Variants in NCKAP5 observed in about 807,000 individuals in gnomAD.
The protein encoded by NCKAP5 is NCK associated protein 5.
NCKAP5 carries 92 observed loss-of-function variants against 167.0 expected under a neutral mutation model. The observed-to-expected ratio is 0.55, with a 90% CI of 0.47 to 0.66. NCKAP5 has a LOEUF of 0.66. NCKAP5 is among the 30% of genes least tolerant of loss of function. The pLI is 0.00. For synonymous variants in NCKAP5, 891 were observed against 877.4 expected, an observed-to-expected ratio of 1.02 and a Z score of -0.27; for missense variants, 2,378 against 2,315.0, an observed-to-expected ratio of 1.03 and a Z score of -0.56.
At chr2:133,103,557 G>C (rs549656843) in intron 6 of NCKAP5, among the ~76,000 whole-genome samples, 1 of 152,252 alleles carries the variant, frequency 6.6e-6, no homozygotes, top group East Asian at 1.9e-4. Context: ...ACTTTGGGAG[G>C]CCACAGTGAG....
At chr2:132,793,308 G>A (rs1684223130) in intron 12 of NCKAP5, among the ~76,000 whole-genome samples, 2 of 152,052 alleles carry the variant, frequency 1.3e-5, no homozygotes, top group Admixed American at 6.6e-5. Context: ...GTGCCCAGCC[G>A]AGATGCCCTG....
intron 19 of NCKAP5, among the ~76,000 whole-genome samples, chr2:132,690,368 T>C (rs1686562993): frequency 6.6e-6 from 1 of 152,222 alleles, no homozygotes; most frequent in Non-Finnish European, 1.5e-5. Flanking sequence ...CCTGCAACCC[T>C]GAGCTGGAAT....
chr2:133,540,828 C>T (rs907456146), intron 2 of NCKAP5, among the ~76,000 whole-genome samples: 1 of 147,696 alleles, frequency 6.8e-6, no homozygotes, highest in African/African-American at 2.5e-5. Context: ...TCCAGCTACT[C>T]GGGAGGCTGA....
chr2:132,900,467 CACAAACACACACAT>C (rs1196271074), intron 8 of NCKAP5, among the ~76,000 whole-genome samples: 1 of 152,160 alleles, frequency 6.6e-6, no homozygotes, highest in African/African-American at 2.4e-5. Context: ...ACCACACACA[CACAAACACACACAT>C]ACACATATGA....
In NCKAP5 at chr2:133,451,773, G is replaced by A. The variant is rs1320411169; in HGVS notation, c.69+65685C>T. ...TGGCATGAAAGTGAATTATGACTTTGTCTCTTTCTGGGCTAAGCCATCTAT... is the reference window on the plus strand; with the variant it reads ...TGGCATGAAAGTGAATTATGACTTTATCTCTTTCTGGGCTAAGCCATCTAT... On this transcript the variant is annotated intron_variant, in intron 3 of 19. Transcript: ENST00000409261. Among the ~76,000 whole-genome samples, 7 of 152,300 alleles carry A rather than the reference G, an allele frequency of 4.6e-5. No homozygotes were observed. In the East Asian group the frequency reaches 1.4e-3, roughly 29 times the overall value.
rs374479741 is a variant in NCKAP5 at position 132,863,378 on chromosome 2, C to G, written c.688-2767G>C. ...TGTGGATATGCAAGTAAAAGGGGAC[C>G]TGAAAGCAATAGTAACCACGATTTT... On this transcript the variant is annotated intron_variant, in intron 10 of 19. Transcript: ENST00000409261. 2.9e-4 allele frequency among the ~76,000 whole-genome samples: 44 copies of G among 149,764 alleles called. 2 individuals carry two copies. The South Asian group carries it at 8.9e-3, about 30-fold the overall frequency.
intron 5 of NCKAP5, among the ~76,000 whole-genome samples, chr2:133,203,157 T>C (rs2085779818): frequency 6.6e-6 from 1 of 152,114 alleles, no homozygotes; most frequent in Non-Finnish European, 1.5e-5. Context: ...CCATGAATGA[T>C]AGACTGGATT....
rs565805174 is a variant in NCKAP5, at chr2:133,163,994, C to A, written c.208-33883G>T. Among the ~76,000 whole-genome samples, 37 of 152,248 alleles carry A rather than the reference C, an allele frequency of 2.4e-4. No homozygotes were observed. The South Asian group carries it at 4.3e-3, about 18-fold the overall frequency. On this transcript the variant is annotated intron_variant, in intron 5 of 19. Transcript: ENST00000409261. ...GCATATCTCAACTGAACAAAGCAAG[C>A]ATCAATTGAACGCCTACTTTAAGCA...
chr2:132,891,529 G>C (rs1692710838), intron 8 of NCKAP5, among the ~76,000 whole-genome samples: 1 of 152,158 alleles, frequency 6.6e-6, no homozygotes, highest in African/African-American at 2.4e-5. Context: ...TTGTTTATGA[G>C]TCTGCCTCTC....
the NCKAP5 span, among the ~76,000 whole-genome samples, chr2:133,619,218 G>T: frequency 0.62 from 85,216 of 138,092 alleles, 27,635 homozygotes; most frequent in Middle Eastern, 0.77. Flanking sequence ...TGACGAGTTA[G>T]TGGGTGCAGC....
intron 7 of NCKAP5, among the ~76,000 whole-genome samples, chr2:132,965,712 C>T (rs2076639335): frequency 6.6e-6 from 1 of 152,106 alleles, no homozygotes; most frequent in Non-Finnish European, 1.5e-5. Context: ...CAGCCTACTA[C>T]ACACCCAGGC....
intron 3 of NCKAP5, among the ~76,000 whole-genome samples, chr2:133,388,680 C>T (rs192590514): frequency 5.9e-5 from 9 of 152,314 alleles, no homozygotes; most frequent in Non-Finnish European, 1.2e-4. Flanking sequence ...GTGGTGGGAT[C>T]CACCCAGTCC....
intron 6 of NCKAP5, among the ~76,000 whole-genome samples, chr2:133,107,575 T>A (rs1333453958): frequency 6.6e-6 from 1 of 152,136 alleles, no homozygotes; most frequent in Non-Finnish European, 1.5e-5. Flanking sequence ...GTGAAGAAAA[T>A]GCCCTTGAAT....
intron 3 of NCKAP5, among the ~76,000 whole-genome samples, chr2:133,453,686 T>C (rs1691681157): frequency 6.6e-6 from 1 of 151,578 alleles, no homozygotes; most frequent in Admixed American, 6.6e-5. Flanking sequence ...AACAGGAAAA[T>C]GAAAGGTTAT....
intron 2 of NCKAP5, among the ~76,000 whole-genome samples, chr2:133,548,742 A>C (rs1297924846): frequency 6.6e-6 from 1 of 152,224 alleles, no homozygotes; most frequent in Non-Finnish European, 1.5e-5. Context: ...TAAACATGGA[A>C]AGGAAAAACC....
At chr2:132,676,932 A>C (rs1290604890) in intron 19 of NCKAP5, among the ~76,000 whole-genome samples, 3 of 152,210 alleles carry the variant, frequency 2.0e-5, no homozygotes, top group Admixed American at 2.0e-4. Flanking sequence ...AGAGCTAGGC[A>C]GTGTGCCTGC....
chr2:133,498,433 CGGAAGGAA>C (rs749222948), intron 3 of NCKAP5, among the ~76,000 whole-genome samples: 1,399 of 100,350 alleles, frequency 0.014, 15 homozygotes, highest in South Asian at 0.045. Context: ...ATGAGAAAAA[CGGAAGGAA>C]GGAAGGAAGG....
At chr2:133,511,103 G>A (rs908536378) in intron 3 of NCKAP5, among the ~76,000 whole-genome samples, 5 of 152,164 alleles carry the variant, frequency 3.3e-5, no homozygotes, top group Admixed American at 1.3e-4. Flanking sequence ...TTTGATGTTC[G>A]ATTCTGCCAT....
chr2:133,255,149 A>G (rs1559322317), intron 4 of NCKAP5, among the ~76,000 whole-genome samples: 1 of 152,208 alleles, frequency 6.6e-6, no homozygotes. Context: ...AGAAAAAAGG[A>G]AAAATGTCCT....
Sources: gnomAD v4.1 joint callset for allele counts (sites outside exome capture counted in the v4.1 genomes callset) on GRCh38, gnomAD v4.1.1 for gene constraint, MANE v1.5 for transcripts, NCBI Gene and HGNC (gene_info 2026-07-23, HGNC 2026-07-21) for gene names.